Variants in ARHGAP22 observed in about 807,000 individuals in gnomAD.
The protein encoded by ARHGAP22 is Rho GTPase activating protein 22.
Under a neutral mutation model 59.1 loss-of-function variants are expected in ARHGAP22, and 48 were observed. That is an observed-to-expected ratio of 0.81 (90% CI 0.64 to 1.03). ARHGAP22 has a LOEUF of 1.03. Ranked by LOEUF, ARHGAP22 falls within the 50% of genes least tolerant of loss-of-function variation. The pLI, the probability that ARHGAP22 is intolerant of heterozygous loss-of-function variation, is 0.00. For synonymous variants in ARHGAP22, 445 were observed against 416.4 expected, an observed-to-expected ratio of 1.07 and a Z score of -0.84; for missense variants, 1,015 against 958.7, an observed-to-expected ratio of 1.06 and a Z score of -0.78.
chr10:48,545,392 A>G (rs1278691452), intron 3 of ARHGAP22, among the ~76,000 whole-genome samples: 7 of 152,240 alleles, frequency 4.6e-5, no homozygotes, highest in Admixed American at 4.6e-4. Context: ...CTAAGACAGG[A>G]GAACCCCACT....
intron 1 of ARHGAP22, among the ~76,000 whole-genome samples, chr10:48,632,016 T>G (rs528490461): frequency 1.3e-5 from 2 of 152,320 alleles, no homozygotes; most frequent in African/African-American, 4.8e-5. Flanking sequence ...GTGGTTTTGG[T>G]TACATGGATG....
chr10:48,585,790 G>A (rs1312290648), intron 1 of ARHGAP22, among the ~76,000 whole-genome samples: 2 of 152,228 alleles, frequency 1.3e-5, no homozygotes, highest in Non-Finnish European at 2.9e-5. Context: ...TGCCTTGGCT[G>A]TGTTTTGGCC....
chr10:48,498,101 G>A lies in ARHGAP22; in HGVS notation c.323-18337C>T, dbSNP rs1327478860. On this transcript the variant is annotated intron_variant, in intron 3 of 9. Coordinates refer to ENST00000249601, the MANE Select transcript of ARHGAP22 (RefSeq NM_021226.4). ...CCCCAACTTGCATAAGGCTCCCTGC[G>A]GGTAACATCTACCTTGGCCTGTCAT... Among the ~76,000 whole-genome samples the A allele has an allele frequency of 5.3e-5, 8 of 152,236 alleles. No homozygotes were observed. In the East Asian group the frequency reaches 1.2e-3, roughly 22 times the overall value.
At chr10:48,591,336 G>A (rs1359091383) in intron 1 of ARHGAP22, among the ~76,000 whole-genome samples, 5 of 152,198 alleles carry the variant, frequency 3.3e-5, no homozygotes, top group Non-Finnish European at 5.9e-5. Context: ...TGTGCAACGC[G>A]AAGTCACCCC....
chr10:48,560,923 C>T (rs897322298), intron 2 of ARHGAP22, among the ~76,000 whole-genome samples: 1 of 151,972 alleles, frequency 6.6e-6, no homozygotes, highest in African/African-American at 2.4e-5. Context: ...AAAATTTTTT[C>T]AACTAAGTTC....
chr10:48,591,630 C>G (rs1490416878), intron 1 of ARHGAP22, among the ~76,000 whole-genome samples: 1 of 151,928 alleles, frequency 6.6e-6, no homozygotes, highest in Non-Finnish European at 1.5e-5. Flanking sequence ...AATCCTAAGT[C>G]ACATATAGAG....
At chr10:48,435,080 A>G in the ARHGAP22 span, 2 of 1,383,318 alleles carry the variant, frequency 1.4e-6, no homozygotes, top group East Asian at 2.5e-5. Context: ...TTAGTCATTG[A>G]TAGAACTACT....
intron 3 of ARHGAP22, among the ~76,000 whole-genome samples, chr10:48,530,921 C>T (rs534964076): frequency 1.3e-5 from 2 of 152,272 alleles, no homozygotes; most frequent in Non-Finnish European, 2.9e-5. Flanking sequence ...CCACTACTGG[C>T]TATCTACCCA....
intron 7 of ARHGAP22, 99 bp from the exon 8 acceptor site, chr10:48,453,524 G>C (rs772199918): frequency 8.7e-5 from 135 of 1,551,054 alleles, no homozygotes; most frequent in Non-Finnish European, 1.2e-4. Context: ...GCTGAGCCCT[G>C]CTGCCTGTGG....
chr10:48,446,625 A>G lies in ARHGAP22; in HGVS notation c.1869-6T>C, dbSNP rs748828901. 1 of 1,613,066 alleles carries G rather than the reference A, an allele frequency of 6.2e-7. No homozygotes were observed. Among genetic ancestry groups the G allele is most frequent in the Non-Finnish European group, 8.5e-7 (1 of 1,179,394 alleles). Reference sequence around the variant, plus strand: ...CAGCACTCCCTTCTTCGATTCTGAAAAGTCAAGGAGAGATGCTGTTTGAGA... The same window carrying G: ...CAGCACTCCCTTCTTCGATTCTGAAGAGTCAAGGAGAGATGCTGTTTGAGA... On this transcript the variant is annotated splice_region_variant and splice_polypyrimidine_tract_variant and intron_variant, in intron 9 of 9. Coordinates refer to ENST00000249601, the MANE Select transcript of ARHGAP22 (RefSeq NM_021226.4).
At chr10:48,601,076 G>A (rs2060350718) in intron 1 of ARHGAP22, among the ~76,000 whole-genome samples, 2 of 152,180 alleles carry the variant, frequency 1.3e-5, no homozygotes, top group Admixed American at 1.3e-4. Context: ...CACCTAATTA[G>A]GTGACTGTTC....
intron 2 of ARHGAP22, among the ~76,000 whole-genome samples, chr10:48,557,726 T>C (rs1202635248): frequency 6.6e-6 from 1 of 152,208 alleles, no homozygotes; most frequent in Non-Finnish European, 1.5e-5. Context: ...GCTGCTCACT[T>C]CTCAGGGGAA....
At chr10:48,653,613 G>T (rs1448249297), upstream of ARHGAP22, among the ~76,000 whole-genome samples, 1 of 152,222 alleles carries the variant, frequency 6.6e-6, no homozygotes, top group African/African-American at 2.4e-5. Context: ...GAAGAGAGCA[G>T]CAAGGGCCAA....
At chr10:48,646,208 C>T (rs2062289368) in intron 1 of ARHGAP22, among the ~76,000 whole-genome samples, 2 of 152,144 alleles carry the variant, frequency 1.3e-5, no homozygotes, top group Non-Finnish European at 2.9e-5. Flanking sequence ...ATTAGAAGTA[C>T]ATTTCTTTCT....
upstream of ARHGAP22, among the ~76,000 whole-genome samples, chr10:48,609,477 C>A (rs113778083): frequency 7.9e-4 from 120 of 152,294 alleles, 1 homozygote; most frequent in African/African-American, 2.8e-3. Context: ...AGAATCCCTG[C>A]AGTCTGGGGC....
chr10:48,582,131 T>A (rs1263630613), intron 2 of ARHGAP22, among the ~76,000 whole-genome samples: 1 of 152,220 alleles, frequency 6.6e-6, no homozygotes, highest in African/African-American at 2.4e-5. Flanking sequence ...TGGGGATGGC[T>A]GGGATGTGAA....
intron 3 of ARHGAP22, among the ~76,000 whole-genome samples, chr10:48,549,515 G>A (rs750922798): frequency 2.0e-5 from 3 of 152,042 alleles, no homozygotes; most frequent in African/African-American, 4.8e-5. Flanking sequence ...CTAGGGGAAC[G>A]CCTCTTTCCC....
intron 4 of ARHGAP22, chr10:48,479,315 T>A (rs1272280916): frequency 2.2e-6 from 1 of 459,958 alleles, no homozygotes; most frequent in Non-Finnish European, 3.8e-6. Flanking sequence ...CATGTCCTTG[T>A]CTACCATCCC....
chr10:48,454,857 G>GCCCCCACCACA (rs1203252568), intron 6 of ARHGAP22, 145 bp downstream of exon 6: 1 of 1,079,206 alleles, frequency 9.3e-7, no homozygotes, highest in East Asian at 2.9e-5. Context: ...GATGCTCCAG[G>GCCCCCACCACA]CCCCCACCAC....
Sources: allele counts gnomAD v4.1 joint callset (sites outside exome capture counted in the v4.1 genomes callset), GRCh38; gene constraint gnomAD v4.1.1; transcripts MANE v1.5; gene names NCBI Gene and HGNC (gene_info 2026-07-23, HGNC 2026-07-21).